Variants in ARID1B observed in about 807,000 individuals in gnomAD.
ARID1B encodes AT-rich interactive domain-containing protein 1B.
A neutral mutation model predicts 212.3 loss-of-function variants in ARID1B; 30 were observed. The observed-to-expected ratio is 0.14, with a 90% CI of 0.11 to 0.19. ARID1B has a LOEUF of 0.19. ARID1B is among the 10% of genes least tolerant of loss of function. The probability of loss-of-function intolerance (pLI) is 1.00; values close to 1 mark genes in which losing one functional copy is unlikely to be tolerated. For synonymous variants in ARID1B, 1,402 were observed against 1,301.7 expected, an observed-to-expected ratio of 1.08 and a Z score of -1.66; for missense variants, 2,891 against 3,204.0, an observed-to-expected ratio of 0.90 and a Z score of 2.36.
intron 4 of ARID1B, among the ~76,000 whole-genome samples, chr6:156,946,090 C>T (rs958009574): frequency 1.3e-5 from 2 of 151,782 alleles, no homozygotes; most frequent in Admixed American, 1.3e-4. Context: ...GGCGTGGTGG[C>T]TCATGCCTTT....
intron 12 of ARID1B, among the ~76,000 whole-genome samples, chr6:157,183,132 T>A (rs1792686559): frequency 6.6e-6 from 1 of 152,124 alleles, no homozygotes; most frequent in Non-Finnish European, 1.5e-5. Flanking sequence ...GCATCAGATG[T>A]GGTTGGGAGC....
intron 13 of ARID1B, 104 bp downstream of exon 13, chr6:157,184,539 C>G: frequency 7.5e-7 from 1 of 1,337,436 alleles, no homozygotes; most frequent in Non-Finnish European, 1.0e-6. Context: ...GAACTTGGGA[C>G]TTTTGAGAGG....
At chr6:156,864,210 A>G (rs185372555) in intron 2 of ARID1B, among the ~76,000 whole-genome samples, 1 of 152,186 alleles carries the variant, frequency 6.6e-6, no homozygotes, top group Non-Finnish European at 1.5e-5. Context: ...ACTGCAGGGT[A>G]TACTGGGAAT....
chr6:156,830,888 G>C (rs181452829), intron 2 of ARID1B, among the ~76,000 whole-genome samples: 8 of 152,292 alleles, frequency 5.3e-5, no homozygotes, highest in Admixed American at 4.6e-4. Context: ...GATAGAGGTA[G>C]CTCAGCCTTT....
chr6:157,121,213 TTAGAGA>T (rs1162839302), intron 6 of ARID1B, among the ~76,000 whole-genome samples: 1 of 152,210 alleles, frequency 6.6e-6, no homozygotes, highest in East Asian at 1.9e-4. Context: ...CCCTTCAAAC[TTAGAGA>T]TATGTTTTCA....
chr6:156,910,228 G>A (rs535472020), intron 3 of ARID1B, among the ~76,000 whole-genome samples: 1 of 152,320 alleles, frequency 6.6e-6, no homozygotes, highest in Admixed American at 6.5e-5. Context: ...TTGAGGTTTT[G>A]TAGACCACAC....
chr6:157,120,552 T>C (rs1026006226), intron 6 of ARID1B, among the ~76,000 whole-genome samples: 1 of 152,218 alleles, frequency 6.6e-6, no homozygotes, highest in Non-Finnish European at 1.5e-5. Flanking sequence ...ACACTGAACA[T>C]AGTTAAATGT....
rs982991489 is a variant in ARID1B at position 157,203,580 on chromosome 6, C to T, written c.5264-286C>T. 4 of 364,150 alleles carry T rather than the reference C, an allele frequency of 1.1e-5. No homozygotes were observed. The highest frequency in any genetic ancestry group is 2.1e-5 in the Non-Finnish European group (4 of 194,658). 22.6% of individuals were successfully genotyped at this position (364,150 alleles called of 1,614,324 possible). A position where few individuals can be genotyped will look rare whatever the true frequency, so the allele number is the denominator to read the frequency against. ...TGTAGGGTGGCTGAAAGAAATAACC[C>T]GGCCATGAGAAAGGACCATCTGTGC... On this transcript the variant is annotated intron_variant, in intron 18 of 19. Coordinates refer to ENST00000636930, the MANE Select transcript of ARID1B (RefSeq NM_001374828.1). The surrounding 1 kb of genome is among the most constrained non-coding windows in gnomAD (Gnocchi z 4.4).
intron 4 of ARID1B, among the ~76,000 whole-genome samples, chr6:156,975,884 A>G (rs1402358331): frequency 6.6e-6 from 1 of 152,062 alleles, no homozygotes; most frequent in Non-Finnish European, 1.5e-5. Flanking sequence ...GCTGAGTCCG[A>G]AGAGTCAGCA....
Position 157,203,841 on chromosome 6 carries a change from T to C in ARID1B, c.5264-25T>C, listed in dbSNP as rs745652225. 2 of 1,613,600 alleles carry C rather than the reference T, an allele frequency of 1.2e-6. No homozygotes were observed. Among genetic ancestry groups the C allele is most frequent in the South Asian group, 2.2e-5 (2 of 91,048 alleles). On this transcript the variant is annotated intron_variant, in intron 18 of 19. Transcript: ENST00000636930. This position sits in a 1 kb window ranked among gnomAD's most constrained non-coding sequence, Gnocchi z 4.4. Reference sequence around the variant, plus strand: ...TCATGCATAGAGTCAACATTCATGATATCCTTGTTCTTCCCCATCTTCAGT... The same window carrying C: ...TCATGCATAGAGTCAACATTCATGACATCCTTGTTCTTCCCCATCTTCAGT...
chr6:157,020,756 C>G (rs532000077), intron 4 of ARID1B, among the ~76,000 whole-genome samples: 1 of 152,282 alleles, frequency 6.6e-6, no homozygotes, highest in South Asian at 2.1e-4. Context: ...GTTACCTCTC[C>G]CCTTATATAA....
Position 157,071,953 on chromosome 6 carries a change from A to G in ARID1B, c.2248-12709A>G, listed in dbSNP as rs927086506. 4 of 152,280 alleles carry G rather than the reference A, an allele frequency of 2.6e-5. No individual in the cohort carries two copies. The East Asian group carries it at 5.8e-4, about 22-fold the overall frequency. The allele number at this position is 152,280 out of a possible 1,614,324, so 9.4% of individuals were successfully genotyped here. Reference sequence around the variant, plus strand: ...GATTTTTCAGAAGTTTTCCTCAGCTATCTTATTCAGGTATTTACAGACTTG... The same window carrying G: ...GATTTTTCAGAAGTTTTCCTCAGCTGTCTTATTCAGGTATTTACAGACTTG... On this transcript the variant is annotated intron_variant, in intron 4 of 19. Coordinates refer to ENST00000636930, the MANE Select transcript of ARID1B (RefSeq NM_001374828.1).
At chr6:157,088,000 T>C (rs556588733) in intron 5 of ARID1B, among the ~76,000 whole-genome samples, 1 of 152,376 alleles carries the variant, frequency 6.6e-6, no homozygotes, top group East Asian at 1.9e-4. Flanking sequence ...CTAGACCGCC[T>C]GCCTGCCACA....
Position 157,094,379 on chromosome 6 carries a change from G to A in ARID1B, c.2491+9474G>A, listed in dbSNP as rs1166321855. ...TTTTTTATTACTTCTTTTTGAGAAG[G>A]AGTCTCACTCTGTCTTCCAGGCTAG... On this transcript the variant is annotated intron_variant, in intron 5 of 19. Transcript: ENST00000636930. The surrounding 1 kb of genome is among the most constrained non-coding windows in gnomAD (Gnocchi z 4.3). 6.6e-6 allele frequency among the ~76,000 whole-genome samples: 1 copy of A among 152,036 alleles called. No individual in the cohort carries two copies. The highest frequency in any genetic ancestry group is 2.4e-5 in the African/African-American group (1 of 41,392).
chr6:157,190,245 C>G lies in ARID1B; in HGVS notation c.4231+35C>G, dbSNP rs769992564. 4 of 1,579,094 alleles carry G rather than the reference C, an allele frequency of 2.5e-6. No homozygotes were observed. The highest frequency in any genetic ancestry group is 3.4e-6 in the Non-Finnish European group (4 of 1,167,250). Reference sequence around the variant, plus strand: ...GAGGGGCCTCCACCCGGCCATGGACCAGTGGGCATTCTACTCTCTGCCGTT... The same window carrying G: ...GAGGGGCCTCCACCCGGCCATGGACGAGTGGGCATTCTACTCTCTGCCGTT... On this transcript the variant is annotated intron_variant, in intron 15 of 19. Transcript: ENST00000636930. This position sits in a 1 kb window ranked among gnomAD's most constrained non-coding sequence, Gnocchi z 4.6.
chr6:157,103,486 A>G lies in ARID1B; in HGVS notation c.2492-6986A>G, dbSNP rs150665231. ...ACTGACTGCCCCACCATCTTGTTCT[A>G]TGAAGTATGCTGAGCTATAATATAT... On this transcript the variant is annotated intron_variant, in intron 5 of 19. Coordinates refer to ENST00000636930, the MANE Select transcript of ARID1B (RefSeq NM_001374828.1). Among the ~76,000 whole-genome samples, 18 of 152,340 alleles carry G rather than the reference A, an allele frequency of 1.2e-4. No individual in the cohort carries two copies. In the East Asian group the frequency reaches 2.1e-3, roughly 18 times the overall value.
chr6:157,175,019 G>GTT lies in ARID1B; in HGVS notation c.3504+22_3504+23dup, dbSNP rs750806092. 4.5e-6 allele frequency: 6 copies of GTT among 1,343,818 alleles called. No individual in the cohort carries two copies. The highest frequency in any genetic ancestry group is 4.8e-6 in the Non-Finnish European group (5 of 1,034,952). The allele number at this position is 1,343,818 out of a possible 1,614,324, so 83.2% of individuals were successfully genotyped here. ...CCATCAAGCCCTGTAAGTGGCTCTG[G>GTT]TTTTTTTTTGTTTTTTTTGTTTTTT... On this transcript the variant is annotated intron_variant, in intron 11 of 19. Coordinates refer to ENST00000636930, the MANE Select transcript of ARID1B (RefSeq NM_001374828.1).
chr6:157,066,474 C>T (rs1034192330), intron 4 of ARID1B, among the ~76,000 whole-genome samples: 2 of 152,110 alleles, frequency 1.3e-5, no homozygotes, highest in African/African-American at 4.8e-5. Context: ...AAAGTATCTT[C>T]CATTAAATAT....
chr6:156,926,409 A>G (rs1285426960), intron 3 of ARID1B, among the ~76,000 whole-genome samples: 2 of 152,306 alleles, frequency 1.3e-5, no homozygotes, highest in South Asian at 2.1e-4. Context: ...TCTATGGTTA[A>G]TGCTTAATGT....
Sources: gnomAD v4.1 joint callset for allele counts (sites outside exome capture counted in the v4.1 genomes callset) on GRCh38, gnomAD v4.1.1 for gene constraint, Gnocchi (gnomAD v3.1) non-coding constraint, MANE v1.5 for transcripts, NCBI Gene and HGNC (gene_info 2026-07-23, HGNC 2026-07-21) for gene names.